ROBO2: variants seen among roughly 807,000 people sequenced by gnomAD.
ROBO2 encodes the protein roundabout guidance receptor 2.
In ROBO2, 53 loss-of-function variants were observed where a neutral mutation model predicts 160.8. The observed-to-expected ratio is 0.33, with a 90% CI of 0.26 to 0.41. ROBO2 has a LOEUF of 0.41. Among genes scored for constraint, ROBO2 ranks in the 10% least tolerant of loss-of-function variants. ROBO2 has a pLI of 1.00. For synonymous variants in ROBO2, 664 were observed against 611.7 expected (o/e 1.09, Z -1.26); for missense variants, 1,577 against 1,722.4 (o/e 0.92, Z 1.49).
rs116622086 is a variant in ROBO2 at position 76,067,263 on chromosome 3, G to A, written c.109+129661G>A. ...AAAGAATACAACACAGCTCACATCTGTTGTATGATTAATTATTGTATATCA... is the reference window on the plus strand; with the variant it reads ...AAAGAATACAACACAGCTCACATCTATTGTATGATTAATTATTGTATATCA... On this transcript the variant is annotated intron_variant, in intron 2 of 26. Transcript: ENST00000487694. Among the ~76,000 whole-genome samples the A allele has an allele frequency of 5.4e-3, 816 of 152,272 alleles. 11 individuals carry two copies. Among genetic ancestry groups the A allele is most frequent in the African/African-American group, 0.019 (790 of 41,548 alleles).
Position 77,493,310 on chromosome 3 carries a change from G to T in ROBO2, c.734G>T (p.Arg245Leu). ...CTGGAGGAAGAAGCTGTAGAATTTC[G>T]TTGTCAAGTCCAAGGAGATCCTCAA... Residue 245 changes from arginine to leucine, a missense_variant, in exon 5 of 26, where the codon CGT (arginine) becomes CTT (leucine). Physicochemically the swap from Arg to Leu is moderately radical, Grantham distance 102. Transcript: ENST00000461745. The T allele has an allele frequency of 1.9e-6, 3 of 1,613,830 alleles. No homozygotes were observed. In the South Asian group the frequency reaches 3.3e-5, roughly 18 times the overall value.
At chr3:76,365,135 G>C (rs2075739545) in intron 2 of ROBO2, among the ~76,000 whole-genome samples, 1 of 152,066 alleles carries the variant, frequency 6.6e-6, no homozygotes, top group East Asian at 1.9e-4. Context: ...TGAGAAGAGA[G>C]AGAGCCTGTG....
chr3:76,655,766 A>G (rs1022758786), intron 2 of ROBO2, among the ~76,000 whole-genome samples: 1 of 144,152 alleles, frequency 6.9e-6, no homozygotes, highest in African/African-American at 2.8e-5. Flanking sequence ...GGAAGGAAGG[A>G]AAGAAGGAAG....
rs577306936 is a variant in ROBO2 at position 77,202,393 on chromosome 3, G to T, written c.388+104053G>T. Among the ~76,000 whole-genome samples, 19 of 152,228 alleles carry T rather than the reference G, an allele frequency of 1.2e-4. No homozygotes were observed. In the South Asian group the frequency reaches 3.9e-3, roughly 32 times the overall value. ...AGAAATGCTGAATGGTTTGAAGAAA[G>T]TCAAATTAATGATACTTCTGGAGGG... On this transcript the variant is annotated intron_variant, in intron 2 of 25. Transcript: ENST00000461745.
At chr3:76,810,935 T>C (rs1166821485) in intron 2 of ROBO2, among the ~76,000 whole-genome samples, 1 of 152,164 alleles carries the variant, frequency 6.6e-6, no homozygotes, top group Non-Finnish European at 1.5e-5. Flanking sequence ...TTTGGTTGTT[T>C]ATTAATAAGA....
At chr3:76,336,881 A>G (rs1479644720) in intron 2 of ROBO2, among the ~76,000 whole-genome samples, 2 of 152,172 alleles carry the variant, frequency 1.3e-5, no homozygotes, top group Non-Finnish European at 2.9e-5. Flanking sequence ...TTAAGTATAT[A>G]TTTAATTGTC....
At chr3:77,452,135 T>A (rs1241735370) in intron 2 of ROBO2, among the ~76,000 whole-genome samples, 1 of 152,162 alleles carries the variant, frequency 6.6e-6, no homozygotes, top group Non-Finnish European at 1.5e-5. Flanking sequence ...GAATATCTCA[T>A]TGAATTATAT....
chr3:75,973,029 C>A (rs932676129), intron 2 of ROBO2, among the ~76,000 whole-genome samples: 11 of 151,630 alleles, frequency 7.3e-5, no homozygotes, highest in Non-Finnish European at 1.6e-4. Flanking sequence ...ATACTTCACT[C>A]AAATTTAAGC....
At chr3:76,655,741 G>A (rs2091486921) in intron 2 of ROBO2, among the ~76,000 whole-genome samples, 1 of 147,928 alleles carries the variant, frequency 6.8e-6, no homozygotes, top group African/African-American at 2.5e-5. Flanking sequence ...AGGGAGGGAG[G>A]GAGGAAAGAA....
At chr3:77,376,321 ATTT>A (rs567008855) in intron 2 of ROBO2, among the ~76,000 whole-genome samples, 1 of 150,970 alleles carries the variant, frequency 6.6e-6, no homozygotes, top group East Asian at 2.0e-4. Context: ...CACCTGGCTA[ATTT>A]TTTTTGTATT....
intron 2 of ROBO2, among the ~76,000 whole-genome samples, chr3:76,088,394 T>G (rs1282373095): frequency 1.3e-5 from 2 of 152,046 alleles, no homozygotes; most frequent in African/African-American, 2.4e-5. Flanking sequence ...ATAGACTACT[T>G]TATCTGACAA....
At chr3:76,830,431 T>C (rs933761354) in intron 2 of ROBO2, among the ~76,000 whole-genome samples, 1 of 152,160 alleles carries the variant, frequency 6.6e-6, no homozygotes, top group African/African-American at 2.4e-5. Flanking sequence ...ATAGCTTTCA[T>C]AATTTCAACA....
At chr3:76,495,093 C>A (rs990229567) in intron 2 of ROBO2, among the ~76,000 whole-genome samples, 1 of 151,978 alleles carries the variant, frequency 6.6e-6, no homozygotes, top group Non-Finnish European at 1.5e-5. Context: ...AGTACCCTCA[C>A]GTGTGTTTGA....
At position 77,461,643 on chromosome 3, in the gene ROBO2, A is replaced by T. The variant is rs188264829; in HGVS notation, c.389-15771A>T. On this transcript the variant is annotated intron_variant, in intron 2 of 25. Transcript: ENST00000461745. Reference sequence around the variant, plus strand: ...AATATTTTATAATATTAGATTTTTAAAAAAAATTTTCTTTAAGGAAATCTC... The same window carrying T: ...AATATTTTATAATATTAGATTTTTATAAAAAATTTTCTTTAAGGAAATCTC... 3.7e-3 allele frequency among the ~76,000 whole-genome samples: 567 copies of T among 151,978 alleles called. 4 individuals are homozygous for T. The highest frequency in any genetic ancestry group is 0.013 in the African/African-American group (535 of 41,532).
At chr3:77,188,968 T>TGTGTGTGTGA (rs550237793) in intron 2 of ROBO2, among the ~76,000 whole-genome samples, 6 of 142,200 alleles carry the variant, frequency 4.2e-5, no homozygotes, top group Non-Finnish European at 9.4e-5. Flanking sequence ...TGTGTGTGTG[T>TGTGTGTGTGA]GAGAGAGAGA....
chr3:76,678,673 CTT>C (rs895049881), intron 2 of ROBO2, among the ~76,000 whole-genome samples: 6 of 152,020 alleles, frequency 3.9e-5, no homozygotes, highest in Admixed American at 3.3e-4. Flanking sequence ...ATTTATGTAA[CTT>C]TTAGTGGATG....
At chr3:77,130,050 T>C (rs1403055507) in intron 2 of ROBO2, among the ~76,000 whole-genome samples, 1 of 152,164 alleles carries the variant, frequency 6.6e-6, no homozygotes, top group Non-Finnish European at 1.5e-5. Context: ...AGGCAACCAC[T>C]GTGCAAGCTC....
chr3:77,453,166 A>G (rs886182693), intron 2 of ROBO2, among the ~76,000 whole-genome samples: 2 of 152,144 alleles, frequency 1.3e-5, no homozygotes, highest in African/African-American at 4.8e-5. Context: ...TTAAACTACT[A>G]TGAAATTTTG....
chr3:77,540,381 G>C (rs565532673), intron 6 of ROBO2, among the ~76,000 whole-genome samples: 1 of 152,158 alleles, frequency 6.6e-6, no homozygotes, highest in African/African-American at 2.4e-5. Flanking sequence ...GGAACCAAAT[G>C]AATCTGGCAT....
Sources: gnomAD v4.1 joint callset for allele counts (sites outside exome capture counted in the v4.1 genomes callset) on GRCh38, gnomAD v4.1.1 for gene constraint, MANE v1.5 for transcripts, NCBI Gene and HGNC (gene_info 2026-07-23, HGNC 2026-07-21) for gene names.